The following SAXO1 variants were observed in gnomAD, a reference collection of about 807,000 sequenced individuals.
The protein encoded by SAXO1 is 4930500O09Rik.
A neutral mutation model predicts 17.5 loss-of-function variants in SAXO1; 21 were observed. The observed-to-expected ratio is 1.20, with a 90% CI of 0.85 to 1.72. SAXO1 has a LOEUF of 1.72. Among genes scored for constraint, SAXO1 ranks in the 40% most tolerant of loss-of-function variants. The pLI is 0.00. For missense variants in SAXO1, 843 were observed against 596.0 expected (o/e 1.41, Z -4.32); for synonymous variants, 274 against 216.5 (o/e 1.27, Z -2.33).
At chr9:19,002,899 C>T (rs1173275840) in intron 1 of SAXO1, among the ~76,000 whole-genome samples, 7 of 152,240 alleles carry the variant, frequency 4.6e-5, no homozygotes, top group Non-Finnish European at 1.0e-4. Context: ...CTGGGGCAAT[C>T]AGGCAAGAGA....
At chr9:18,946,216 C>T (rs181736016) in intron 2 of SAXO1, among the ~76,000 whole-genome samples, 4 of 129,280 alleles carry the variant, frequency 3.1e-5, no homozygotes, top group East Asian at 2.6e-4. Flanking sequence ...GAGGAAGTTG[C>T]GGTGAGCCGA....
At chr9:19,047,182 A>C (rs928842598) in intron 1 of SAXO1, among the ~76,000 whole-genome samples, 1 of 152,114 alleles carries the variant, frequency 6.6e-6, no homozygotes, top group Non-Finnish European at 1.5e-5. Flanking sequence ...GCAAGACTCC[A>C]TCTCAAAACA....
intron 3 of SAXO1, among the ~76,000 whole-genome samples, chr9:18,932,180 T>G (rs951655517): frequency 2.6e-5 from 4 of 152,354 alleles, no homozygotes; most frequent in Admixed American, 1.3e-4. Flanking sequence ...ATTTATAGTT[T>G]TAGCTATTAC....
intron 1 of SAXO1, among the ~76,000 whole-genome samples, chr9:18,972,047 TG>T: frequency 6.6e-6 from 1 of 152,334 alleles, no homozygotes; most frequent in South Asian, 2.1e-4. Context: ...TATGTTTTCA[TG>T]AAAGTCAGAA....
chr9:19,024,012 C>CT (rs71333077), intron 1 of SAXO1, among the ~76,000 whole-genome samples: 3,365 of 38,218 alleles, frequency 0.088, 603 homozygotes, highest in Non-Finnish European at 0.11. Flanking sequence ...CTCTTTAAGG[C>CT]TTTTTTTTTT....
chr9:19,022,054 TC>T (rs749873090), intron 1 of SAXO1, among the ~76,000 whole-genome samples: 24 of 152,358 alleles, frequency 1.6e-4, no homozygotes, highest in Non-Finnish European at 3.1e-4. Context: ...TGCTGCTCAC[TC>T]CTTGGGTCCG....
At chr9:18,962,751 G>A (rs1467560889) in intron 1 of SAXO1, among the ~76,000 whole-genome samples, 1 of 152,194 alleles carries the variant, frequency 6.6e-6, no homozygotes, top group Non-Finnish European at 1.5e-5. Flanking sequence ...CTTTCAGTAG[G>A]TTGCCTGTTC....
chr9:18,989,465 T>C (rs1442519056), intron 1 of SAXO1, among the ~76,000 whole-genome samples: 4 of 152,120 alleles, frequency 2.6e-5, no homozygotes, highest in Non-Finnish European at 4.4e-5. Flanking sequence ...AGATTTATCA[T>C]AGAGAACTTC....
Position 19,031,799 on chromosome 9 carries a change from C to A in SAXO1, c.38+1072G>T, listed in dbSNP as rs1835786272. Among the ~76,000 whole-genome samples the A allele has an allele frequency of 2.0e-5, 3 of 152,162 alleles. No individual in the cohort carries two copies. The South Asian group carries it at 6.2e-4, about 31-fold the overall frequency. ...GCCTGAGCAACTGATAGTTTTCAAA[C>A]TCCCTGTGTGATTCTAATCAGCAGC... is the stretch of plus-strand genomic sequence containing the variant. On this transcript the variant is annotated intron_variant, in intron 1 of 3. Coordinates refer to ENST00000380534, the MANE Select transcript of SAXO1 (RefSeq NM_153707.4).
chr9:19,003,916 C>A (rs1286608473), intron 1 of SAXO1, among the ~76,000 whole-genome samples: 2 of 152,140 alleles, frequency 1.3e-5, no homozygotes, highest in Non-Finnish European at 2.9e-5. Context: ...AACTAAAGAG[C>A]TTCTGCAAAG....
rs113561957 is a variant in SAXO1 at position 18,981,872 on chromosome 9, A to T, written c.39-30935T>A. Among the ~76,000 whole-genome samples the T allele has an allele frequency of 2.6e-5, 4 of 152,194 alleles. 1 individual carries two copies. Among genetic ancestry groups the T allele is most frequent in the African/African-American group, 9.6e-5 (4 of 41,512 alleles). On this transcript the variant is annotated intron_variant, in intron 1 of 3. Transcript: ENST00000380534. Reference sequence around the variant, plus strand: ...CAAGATTTCAATTCAGCTCTCCCCAACTCCAAAACCCTTTTCCTCTACATC... The same window carrying T: ...CAAGATTTCAATTCAGCTCTCCCCATCTCCAAAACCCTTTTCCTCTACATC...
intron 3 of SAXO1, among the ~76,000 whole-genome samples, chr9:18,930,451 A>T (rs1830991188): frequency 6.6e-6 from 1 of 152,186 alleles, no homozygotes; most frequent in African/African-American, 2.4e-5. Flanking sequence ...CTAGGTGAGA[A>T]AAATGGGATG....
intron 3 of SAXO1, among the ~76,000 whole-genome samples, chr9:18,935,905 C>G (rs1831268101): frequency 6.6e-6 from 1 of 152,196 alleles, no homozygotes; most frequent in Non-Finnish European, 1.5e-5. Context: ...GGCAGAGCCA[C>G]TACATAAATG....
intron 1 of SAXO1, among the ~76,000 whole-genome samples, chr9:18,990,958 T>C (rs1221333967): frequency 2.0e-5 from 3 of 152,166 alleles, no homozygotes; most frequent in Non-Finnish European, 2.9e-5. Context: ...ATAATAATGA[T>C]AGAACTAAAG....
chr9:18,973,778 T>C (rs1361018554), intron 1 of SAXO1, among the ~76,000 whole-genome samples: 1 of 152,250 alleles, frequency 6.6e-6, no homozygotes, highest in Non-Finnish European at 1.5e-5. Context: ...TGTTTAGTCT[T>C]ACCTATTATA....
intron 1 of SAXO1, among the ~76,000 whole-genome samples, chr9:19,015,058 C>T (rs1254371800): frequency 1.3e-5 from 2 of 152,090 alleles, no homozygotes; most frequent in African/African-American, 2.4e-5. Context: ...TGATGAAGGG[C>T]GTTAAGTGCT....
chr9:18,965,070 G>A (rs374216427), intron 1 of SAXO1, among the ~76,000 whole-genome samples: 1 of 152,220 alleles, frequency 6.6e-6, no homozygotes, highest in Admixed American at 6.5e-5. Context: ...GCAGTTTTGA[G>A]TGAGTTTCTT....
rs547827469 is a variant in SAXO1 at position 19,013,833 on chromosome 9, C to T, written c.38+19038G>A. ...AAGTGTTAGGATTACAGGTGTGAGG[C>T]GCCACGCCCAGCCCAGATATTTAAA... On this transcript the variant is annotated intron_variant, in intron 1 of 3. Transcript: ENST00000380534. 2.0e-4 allele frequency among the ~76,000 whole-genome samples: 30 copies of T among 152,174 alleles called. 1 individual carries two copies. The highest frequency in any genetic ancestry group is 1.4e-3 in the Admixed American group (22 of 15,284).
rs571461898 is a variant in SAXO1, at chr9:19,009,315, A to G, written c.38+23556T>C. 5.3e-4 allele frequency among the ~76,000 whole-genome samples: 80 copies of G among 152,336 alleles called. 1 individual carries two copies. The highest frequency in any genetic ancestry group is 1.9e-3 in the African/African-American group (78 of 41,576). Reference sequence around the variant, plus strand: ...GGAGTTTCAAAACTAAGTCACCCCAACCATCACAGCAGAAAATTTTCCAAG... The same window carrying G: ...GGAGTTTCAAAACTAAGTCACCCCAGCCATCACAGCAGAAAATTTTCCAAG... On this transcript the variant is annotated intron_variant, in intron 1 of 3. Transcript: ENST00000380534.
Sources: allele counts gnomAD v4.1 joint callset (sites outside exome capture counted in the v4.1 genomes callset), GRCh38; gene constraint gnomAD v4.1.1; transcripts MANE v1.5; gene names NCBI Gene and HGNC (gene_info 2026-07-23, HGNC 2026-07-21).